The following FANCL variants were observed in gnomAD, a reference collection of about 807,000 sequenced individuals.
The protein encoded by FANCL is FA complementation group L.
Under a neutral mutation model 59.4 loss-of-function variants are expected in FANCL, and 69 were observed. The ratio of observed to expected loss-of-function variants is 1.16; its 90% CI spans 0.96 to 1.42. The LOEUF is 1.42. FANCL is among the 40% of genes most tolerant of loss of function. The probability of loss-of-function intolerance (pLI) is 0.00; values close to 1 mark genes in which losing one functional copy is unlikely to be tolerated. For synonymous variants in FANCL, 180 were observed against 147.1 expected (o/e 1.22, Z -1.62); for missense variants, 519 against 447.2 (o/e 1.16, Z -1.45).
intron 5 of FANCL, among the ~76,000 whole-genome samples, chr2:58,218,862 A>C (rs968391003): frequency 2.0e-5 from 3 of 152,018 alleles, no homozygotes; most frequent in Non-Finnish European, 4.4e-5. Context: ...TCAGTATAAA[A>C]TCATGTTTAC....
intron 7 of FANCL, among the ~76,000 whole-genome samples, chr2:58,183,968 G>C (rs1171407056): frequency 3.9e-5 from 6 of 151,942 alleles, no homozygotes; most frequent in Admixed American, 3.3e-4. Context: ...ACCTATAATT[G>C]TGGATGGTAC....
At chr2:58,208,678 A>C (rs1314244153) in intron 5 of FANCL, among the ~76,000 whole-genome samples, 1 of 152,178 alleles carries the variant, frequency 6.6e-6, no homozygotes, top group African/African-American at 2.4e-5. Context: ...AAAGCATCCA[A>C]GTTTCCACTT....
At chr2:58,202,874 G>T (rs1035050641) in intron 6 of FANCL, among the ~76,000 whole-genome samples, 2 of 151,644 alleles carry the variant, frequency 1.3e-5, no homozygotes, top group Non-Finnish European at 3.0e-5. Flanking sequence ...TGAGGACAGG[G>T]TGTATTTAAA....
intron 7 of FANCL, among the ~76,000 whole-genome samples, chr2:58,176,286 G>C (rs1687293403): frequency 6.6e-6 from 1 of 152,058 alleles, no homozygotes; most frequent in Non-Finnish European, 1.5e-5. Context: ...CTACTTTAAA[G>C]TTCATATGGA....
intron 5 of FANCL, among the ~76,000 whole-genome samples, chr2:58,207,681 T>C (rs781588636): frequency 6.6e-6 from 1 of 152,154 alleles, no homozygotes; most frequent in African/African-American, 2.4e-5. Flanking sequence ...AAAAATATCT[T>C]GGTGTTTGGT....
At position 58,180,553 on chromosome 2, in the gene FANCL, G is replaced by A. The variant is rs543699531; in HGVS notation, c.541-14679C>T. On this transcript the variant is annotated intron_variant, in intron 7 of 13. Transcript: ENST00000233741. ...AGGGAAATATCACACACCAGGGCCTGTCGGGGGGTGGGGGACTAGGTGAGG... is the reference window on the plus strand; with the variant it reads ...AGGGAAATATCACACACCAGGGCCTATCGGGGGGTGGGGGACTAGGTGAGG... Among the ~76,000 whole-genome samples the A allele has an allele frequency of 5.3e-5, 8 of 152,134 alleles. No individual in the cohort carries two copies. The South Asian group carries it at 1.7e-3, about 32-fold the overall frequency.
intron 5 of FANCL, among the ~76,000 whole-genome samples, chr2:58,218,704 C>A (rs1349108259): frequency 6.6e-6 from 1 of 151,518 alleles, no homozygotes; most frequent in African/African-American, 2.4e-5. Flanking sequence ...TCTGATAGTG[C>A]TCTGCACGTA....
chr2:58,203,026 T>TA (rs138392448), intron 6 of FANCL, among the ~76,000 whole-genome samples: 1,604 of 134,124 alleles, frequency 0.012, 27 homozygotes, highest in East Asian at 0.095. Flanking sequence ...AAATTTCTCT[T>TA]AAAAAAAAAA....
At chr2:58,172,929 G>C (rs557058767) in intron 7 of FANCL, among the ~76,000 whole-genome samples, 13 of 152,314 alleles carry the variant, frequency 8.5e-5, no homozygotes, top group Non-Finnish European at 1.9e-4. Context: ...AACCAATACA[G>C]AGAAGTGCTT....
intron 6 of FANCL, among the ~76,000 whole-genome samples, chr2:58,199,016 G>T (rs1689723807): frequency 7.6e-6 from 1 of 130,814 alleles, no homozygotes; most frequent in African/African-American, 2.9e-5. Flanking sequence ...GCGACAGAGT[G>T]AATCTCCATC....
chr2:58,173,213 G>A (rs898632616), intron 7 of FANCL, among the ~76,000 whole-genome samples: 3 of 152,186 alleles, frequency 2.0e-5, no homozygotes, highest in East Asian at 3.9e-4. Flanking sequence ...AAAACACTCT[G>A]CAGGATATTA....
Position 58,161,642 on chromosome 2 carries a change from C to A in FANCL, c.904-4G>T, listed in dbSNP as rs757211531. On this transcript the variant is annotated splice_region_variant and splice_polypyrimidine_tract_variant and intron_variant, in intron 11 of 13. Coordinates refer to ENST00000233741, the MANE Select transcript of FANCL (RefSeq NM_018062.4). ...TTCCACAATCCATAGTAAAATCCTT[C>A]AAAAGAAAAATATTTATAAAAAGCG... 1 of 1,583,728 alleles carries A rather than the reference C, an allele frequency of 6.3e-7. No homozygotes were observed. The highest frequency in any genetic ancestry group is 1.7e-5 in the Admixed American group (1 of 59,730).
At chr2:58,166,579 G>A (rs1187889503) in intron 7 of FANCL, among the ~76,000 whole-genome samples, 1 of 152,132 alleles carries the variant, frequency 6.6e-6, no homozygotes, top group African/African-American at 2.4e-5. Context: ...AGTTTCTCAT[G>A]AAACAATGTG....
intron 7 of FANCL, among the ~76,000 whole-genome samples, chr2:58,179,886 A>ACAAC (rs1322721333): frequency 1.3e-5 from 2 of 152,228 alleles, no homozygotes; most frequent in African/African-American, 4.8e-5. Flanking sequence ...CAAGAAAAAA[A>ACAAC]CAACCGTATC....
At chr2:58,177,452 TA>T (rs1172493678) in intron 7 of FANCL, among the ~76,000 whole-genome samples, 1 of 151,496 alleles carries the variant, frequency 6.6e-6, no homozygotes, top group Non-Finnish European at 1.5e-5. Context: ...TATGCAGCCA[TA>T]AAAAAGGATG....
chr2:58,220,019 G>A (rs1692310862), intron 5 of FANCL, among the ~76,000 whole-genome samples: 1 of 151,716 alleles, frequency 6.6e-6, no homozygotes, highest in South Asian at 2.1e-4. Context: ...GCAAAATAAA[G>A]TAGCTCGGTT....
chr2:58,234,639 T>G (rs77228196), intron 1 of FANCL, among the ~76,000 whole-genome samples: 1 of 151,996 alleles, frequency 6.6e-6, no homozygotes, highest in African/African-American at 2.4e-5. Flanking sequence ...AAGGGATAAG[T>G]GGCCACATGA....
At chr2:58,192,440 A>C (rs983010620) in intron 7 of FANCL, among the ~76,000 whole-genome samples, 1 of 151,964 alleles carries the variant, frequency 6.6e-6, no homozygotes, top group African/African-American at 2.4e-5. Context: ...AGAAAACTAA[A>C]GAAATGGAAA....
At chr2:58,200,344 C>A (rs62140042) in intron 6 of FANCL, among the ~76,000 whole-genome samples, 1 of 152,062 alleles carries the variant, frequency 6.6e-6, no homozygotes, top group Admixed American at 6.6e-5. Flanking sequence ...CATTTAATTT[C>A]TCTGGCTGTT....
Sources: gnomAD v4.1 joint callset for allele counts (sites outside exome capture counted in the v4.1 genomes callset) on GRCh38, gnomAD v4.1.1 for gene constraint, MANE v1.5 for transcripts, NCBI Gene and HGNC (gene_info 2026-07-23, HGNC 2026-07-21) for gene names.